Variants in KANK1 observed in about 807,000 individuals in gnomAD.
The protein encoded by KANK1 is KN motif and ankyrin repeat domain-containing protein 1.
A neutral mutation model predicts 106.2 loss-of-function variants in KANK1; 109 were observed. The ratio of observed to expected loss-of-function variants is 1.03; its 90% CI spans 0.88 to 1.20. The LOEUF is 1.20. Among genes scored for constraint, KANK1 ranks in the 50% most tolerant of loss-of-function variants. The pLI, the probability that KANK1 is intolerant of heterozygous loss-of-function variation, is 0.00. For missense variants in KANK1, 2,399 were observed against 1,710.7 expected, an observed-to-expected ratio of 1.40 and a Z score of -7.10; for synonymous variants, 873 against 652.2, an observed-to-expected ratio of 1.34 and a Z score of -5.16.
chr9:606,589 C>G (rs1176641817), intron 1 of KANK1, among the ~76,000 whole-genome samples: 1 of 131,498 alleles, frequency 7.6e-6, no homozygotes, highest in Admixed American at 7.2e-5. Context: ...TTTTATAAAC[C>G]TATAAAATAT....
chr9:534,259 T>C (rs6476954), intron 1 of KANK1, among the ~76,000 whole-genome samples: 151,417 of 152,362 alleles, frequency 0.99, 75,243 homozygotes, highest in East Asian at 1. Context: ...CTTGTGAATG[T>C]TGAACAATGG....
Position 734,836 on chromosome 9 carries a change from G to T in KANK1, c.3333+1G>T. 1 of 1,610,570 alleles carries T rather than the reference G, an allele frequency of 6.2e-7. No individual in the cohort carries two copies. ...CAAAGCTTTGACCAGCAAAGATATGGTGAGTCTGACCTGCAAACACCATCC... is the reference window on the plus strand; with the variant it reads ...CAAAGCTTTGACCAGCAAAGATATGTTGAGTCTGACCTGCAAACACCATCC... On this transcript the variant is annotated splice_donor_variant, in intron 7 of 11. Transcript: ENST00000382297. LOFTEE classifies it high-confidence loss of function.
intron 1 of KANK1, among the ~76,000 whole-genome samples, chr9:534,634 A>G (rs1395306101): frequency 1.3e-5 from 2 of 152,192 alleles, no homozygotes; most frequent in Admixed American, 6.5e-5. Flanking sequence ...ACTGGCTGAC[A>G]TTTAACTATT....
At chr9:705,012 A>G (rs997091199) in intron 2 of KANK1, among the ~76,000 whole-genome samples, 1 of 150,636 alleles carries the variant, frequency 6.6e-6, no homozygotes, top group Non-Finnish European at 1.5e-5. Flanking sequence ...AAAAAAAAAA[A>G]AAAAAGAGCA....
chr9:669,550 C>T (rs1237200042), intron 1 of KANK1, among the ~76,000 whole-genome samples: 1 of 152,032 alleles, frequency 6.6e-6, no homozygotes, highest in African/African-American at 2.4e-5. Context: ...AAATATCATT[C>T]CACTTCCTCC....
At chr9:644,732 C>G (rs2137287374) in intron 1 of KANK1, among the ~76,000 whole-genome samples, 1 of 151,076 alleles carries the variant, frequency 6.6e-6, no homozygotes, top group Middle Eastern at 3.4e-3. Context: ...CAACATGAGA[C>G]TTGATGGGGA....
Position 641,174 on chromosome 9 carries a change from A to T in KANK1, c.-83-35716A>T, listed in dbSNP as rs1202865764. ...GTCCAGTGTGGGAAGAAGCCCTGTGATGGTGAGAAATGCAGTAAGAAACTG... is the reference window on the plus strand; with the variant it reads ...GTCCAGTGTGGGAAGAAGCCCTGTGTTGGTGAGAAATGCAGTAAGAAACTG... On this transcript the variant is annotated intron_variant, in intron 1 of 11. Transcript: ENST00000382297. 2.6e-5 allele frequency among the ~76,000 whole-genome samples: 4 copies of T among 152,234 alleles called. No homozygotes were observed. In the East Asian group the frequency reaches 7.7e-4, roughly 29 times the overall value.
Position 645,663 on chromosome 9 carries a change from C to T in KANK1, c.-83-31227C>T, listed in dbSNP as rs188512624. Among the ~76,000 whole-genome samples, 307 of 150,450 alleles carry T rather than the reference C, an allele frequency of 2.0e-3. 25 individuals carry two copies. Among genetic ancestry groups the T allele is most frequent in the African/African-American group, 7.3e-3 (291 of 39,942 alleles). ...TTGTGAGGCCAAGGTGGGCGGATCA[C>T]CTGAGATCAGGAGTTCGAAACCAGC... On this transcript the variant is annotated intron_variant, in intron 1 of 11. Coordinates refer to ENST00000382297, the MANE Select transcript of KANK1 (RefSeq NM_015158.5).
At chr9:644,465 TG>T (rs1563917520) in intron 1 of KANK1, among the ~76,000 whole-genome samples, 1 of 150,972 alleles carries the variant, frequency 6.6e-6, no homozygotes, top group Non-Finnish European at 1.5e-5. Flanking sequence ...TGGTGGCTTC[TG>T]GGGAGGCCTC....
At chr9:535,922 C>G (rs2060276854) in intron 1 of KANK1, among the ~76,000 whole-genome samples, 2 of 152,220 alleles carry the variant, frequency 1.3e-5, no homozygotes, top group South Asian at 2.1e-4. Context: ...AGCTCCTTCA[C>G]TACCCAATTC....
At chr9:684,727 T>A (rs1215912655) in intron 2 of KANK1, among the ~76,000 whole-genome samples, 1 of 152,166 alleles carries the variant, frequency 6.6e-6, no homozygotes, top group Non-Finnish European at 1.5e-5. Flanking sequence ...GTTCATCTCC[T>A]TTGTGCAGTT....
At chr9:654,189 T>G (rs1841566589) in intron 1 of KANK1, among the ~76,000 whole-genome samples, 1 of 152,206 alleles carries the variant, frequency 6.6e-6, no homozygotes, top group African/African-American at 2.4e-5. Context: ...GAGTCTCTGA[T>G]TCAGTAGCCC....
At chr9:566,938 C>T (rs551172450) in intron 1 of KANK1, among the ~76,000 whole-genome samples, 6 of 152,212 alleles carry the variant, frequency 3.9e-5, no homozygotes, top group Non-Finnish European at 8.8e-5. Context: ...TTCCTATGTC[C>T]GGAATGGTAT....
chr9:509,681 T>A (rs12335985), intron 1 of KANK1, among the ~76,000 whole-genome samples: 23,839 of 152,224 alleles, frequency 0.16, 3,346 homozygotes, highest in African/African-American at 0.38. Flanking sequence ...CATATAGTTT[T>A]TACCTCCCTC....
intron 2 of KANK1, among the ~76,000 whole-genome samples, chr9:472,564 C>G (rs1348891140): frequency 1.3e-5 from 2 of 152,072 alleles, no homozygotes; most frequent in Non-Finnish European, 2.9e-5. Flanking sequence ...TTACTTTGGC[C>G]CATAGAATGC....
At chr9:551,009 A>C (rs2061247357) in intron 1 of KANK1, among the ~76,000 whole-genome samples, 1 of 151,990 alleles carries the variant, frequency 6.6e-6, no homozygotes, top group African/African-American at 2.4e-5. Context: ...TAGAAAGTAA[A>C]GGAAAGCAGA....
At chr9:598,311 T>C (rs1054191592) in intron 1 of KANK1, among the ~76,000 whole-genome samples, 1 of 151,746 alleles carries the variant, frequency 6.6e-6, no homozygotes, top group Non-Finnish European at 1.5e-5. Flanking sequence ...CTTCAACTTT[T>C]TTCTTTTTTT....
At chr9:526,824 AT>A (rs889773014) in intron 1 of KANK1, among the ~76,000 whole-genome samples, 3 of 151,744 alleles carry the variant, frequency 2.0e-5, no homozygotes, top group African/African-American at 7.3e-5. Flanking sequence ...TCATTTCTTG[AT>A]TTTTTTAAAT....
intron 1 of KANK1, among the ~76,000 whole-genome samples, chr9:556,383 T>C (rs1195879822): frequency 6.6e-6 from 1 of 152,198 alleles, no homozygotes; most frequent in Non-Finnish European, 1.5e-5. Flanking sequence ...TTCTGAGTTG[T>C]GCTCTCCTCT....
Sources: allele counts gnomAD v4.1 joint callset (sites outside exome capture counted in the v4.1 genomes callset), GRCh38; gene constraint gnomAD v4.1.1; transcripts MANE v1.5; gene names NCBI Gene and HGNC (gene_info 2026-07-23, HGNC 2026-07-21).